The following KAZN variants were observed in gnomAD, a reference collection of about 807,000 sequenced individuals.
KAZN encodes the protein kazrin.
In KAZN, 40 loss-of-function variants were observed where a neutral mutation model predicts 87.4. That is an observed-to-expected ratio of 0.46 (90% CI 0.36 to 0.60). The LOEUF is 0.60. Among genes scored for constraint, KAZN ranks in the 20% least tolerant of loss-of-function variants. The pLI, the probability that KAZN is intolerant of heterozygous loss-of-function variation, is 0.00. For missense variants in KAZN, 898 were observed against 1,073.9 expected, an observed-to-expected ratio of 0.84 and a Z score of 2.29; for synonymous variants, 466 against 458.3, an observed-to-expected ratio of 1.02 and a Z score of -0.22.
At chr1:14,990,451 T>A (rs1313409341) in intron 2 of KAZN, among the ~76,000 whole-genome samples, 1 of 152,214 alleles carries the variant, frequency 6.6e-6, no homozygotes, top group Non-Finnish European at 1.5e-5. Context: ...CTTTAACTCC[T>A]GGGCTCAAGC....
chr1:13,934,947 G>A (rs971888176), intron 1 of KAZN, among the ~76,000 whole-genome samples: 3 of 152,030 alleles, frequency 2.0e-5, no homozygotes, highest in African/African-American at 4.8e-5. Context: ...ATAATAATAA[G>A]CCTTCAGGGC....
At chr1:14,247,484 G>A (rs560729740) in intron 2 of KAZN, among the ~76,000 whole-genome samples, 12 of 152,286 alleles carry the variant, frequency 7.9e-5, no homozygotes, top group African/African-American at 2.6e-4. Context: ...TGCTCTCAAT[G>A]TTCAATTCCC....
intron 1 of KAZN, among the ~76,000 whole-genome samples, chr1:14,014,456 C>T (rs1259311808): frequency 1.3e-5 from 2 of 151,996 alleles, no homozygotes; most frequent in African/African-American, 4.8e-5. Context: ...TCTTGGTGTT[C>T]CTGCAATGAT....
intron 2 of KAZN, among the ~76,000 whole-genome samples, chr1:14,217,180 C>G (rs1430899687): frequency 6.6e-6 from 1 of 152,114 alleles, no homozygotes; most frequent in Non-Finnish European, 1.5e-5. Context: ...ATGCTGACAA[C>G]TTGATATTGG....
chr1:14,611,511 A>T (rs1161040994), intron 1 of KAZN, among the ~76,000 whole-genome samples: 1 of 152,054 alleles, frequency 6.6e-6, no homozygotes, highest in East Asian at 1.9e-4. Flanking sequence ...GTATAGTGAG[A>T]CGCTATCTCT....
At chr1:14,854,052 C>T (rs113920401) in intron 1 of KAZN, among the ~76,000 whole-genome samples, 113 of 152,258 alleles carry the variant, frequency 7.4e-4, no homozygotes, top group Non-Finnish European at 1.3e-3. Flanking sequence ...GTGGAAGACC[C>T]TTTACAAGCC....
At chr1:14,307,770 G>A (rs1458029519) in intron 2 of KAZN, among the ~76,000 whole-genome samples, 1 of 152,150 alleles carries the variant, frequency 6.6e-6, no homozygotes, top group East Asian at 1.9e-4. Context: ...CTGAAAGTAG[G>A]GAGTGAATGT....
chr1:15,075,293 C>T (rs1314208935), intron 8 of KAZN, among the ~76,000 whole-genome samples: 1 of 152,190 alleles, frequency 6.6e-6, no homozygotes, highest in Non-Finnish European at 1.5e-5. Context: ...GGAAAAAAAT[C>T]CCTGGGTCAG....
intron 1 of KAZN, among the ~76,000 whole-genome samples, chr1:14,669,463 G>C (rs988019388): frequency 3.9e-5 from 6 of 152,202 alleles, no homozygotes; most frequent in African/African-American, 1.4e-4. Context: ...AGAACCAAGA[G>C]CTGGGCGCGG....
At chr1:14,241,298 C>T (rs183274671) in intron 2 of KAZN, among the ~76,000 whole-genome samples, 117 of 152,310 alleles carry the variant, frequency 7.7e-4, no homozygotes, top group African/African-American at 2.8e-3. Context: ...CTCTGGCCTC[C>T]ACTGAAGGTG....
At chr1:14,170,248 G>C (rs937622752) in intron 1 of KAZN, among the ~76,000 whole-genome samples, 5 of 152,116 alleles carry the variant, frequency 3.3e-5, no homozygotes, top group Non-Finnish European at 7.4e-5. Context: ...TGGTTCTCTT[G>C]CAAATCTATC....
At chr1:14,967,063 T>C (rs1355488171) in intron 2 of KAZN, among the ~76,000 whole-genome samples, 3 of 152,136 alleles carry the variant, frequency 2.0e-5, no homozygotes, top group African/African-American at 7.2e-5. Flanking sequence ...TGTTGAGGCT[T>C]TGATGCAGGC....
chr1:14,372,916 A>T (rs1660616323), intron 2 of KAZN, among the ~76,000 whole-genome samples: 1 of 152,226 alleles, frequency 6.6e-6, no homozygotes, highest in Non-Finnish European at 1.5e-5. Context: ...ATAACTAATT[A>T]TATAAAATCA....
intron 1 of KAZN, among the ~76,000 whole-genome samples, chr1:14,674,798 T>C (rs1167320533): frequency 1.3e-5 from 2 of 151,516 alleles, no homozygotes; most frequent in African/African-American, 4.9e-5. Context: ...TTTTCTTTTC[T>C]TTTTTTTTAA....
chr1:14,599,441 C>A lies in KAZN; in HGVS notation c.226+218C>A, dbSNP rs1248028992. ...CCCGAGCGCAGTGTGCACGGGGTCACACGGTCACACCGGCCCCGGCCAGCC... is the reference window on the plus strand; with the variant it reads ...CCCGAGCGCAGTGTGCACGGGGTCAAACGGTCACACCGGCCCCGGCCAGCC... On this transcript the variant is annotated intron_variant, in intron 1 of 14. Transcript: ENST00000376030. This position sits in a 1 kb window ranked among gnomAD's most constrained non-coding sequence, Gnocchi z 4.4. 1.3e-5 allele frequency among the ~76,000 whole-genome samples: 2 copies of A among 152,048 alleles called. No homozygotes were observed. Among genetic ancestry groups the A allele is most frequent in the African/African-American group, 4.8e-5 (2 of 41,420 alleles).
chr1:14,865,439 G>T (rs557318697), intron 1 of KAZN, among the ~76,000 whole-genome samples: 29 of 152,228 alleles, frequency 1.9e-4, no homozygotes, highest in African/African-American at 6.3e-4. Context: ...AGATCTTTGC[G>T]CCCTGGCTTC....
At chr1:14,525,945 T>A (rs1671838890) in intron 2 of KAZN, among the ~76,000 whole-genome samples, 1 of 152,220 alleles carries the variant, frequency 6.6e-6, no homozygotes, top group African/African-American at 2.4e-5. Context: ...CAGAGCTGTG[T>A]TATTCACAGC....
intron 8 of KAZN, among the ~76,000 whole-genome samples, chr1:15,083,317 A>G (rs1640095910): frequency 6.6e-6 from 1 of 152,166 alleles, no homozygotes; most frequent in Non-Finnish European, 1.5e-5. Flanking sequence ...AGTACATAGC[A>G]AAACCTTCTC....
At chr1:15,015,231 C>T (rs1232751766) in intron 2 of KAZN, among the ~76,000 whole-genome samples, 1 of 151,926 alleles carries the variant, frequency 6.6e-6, no homozygotes, top group Non-Finnish European at 1.5e-5. Context: ...CGGCTCACTG[C>T]AACCTCTGCC....
Sources: allele counts gnomAD v4.1 joint callset (sites outside exome capture counted in the v4.1 genomes callset), GRCh38; gene constraint gnomAD v4.1.1; non-coding constraint Gnocchi (gnomAD v3.1); transcripts MANE v1.5; gene names NCBI Gene and HGNC (gene_info 2026-07-23, HGNC 2026-07-21).